RTN4R: variants seen among roughly 807,000 people sequenced by gnomAD.
RTN4R encodes the protein reticulon-4 receptor.
RTN4R carries 4 observed loss-of-function variants against 27.7 expected under a neutral mutation model. That is an observed-to-expected ratio of 0.14 (90% confidence interval 0.07 to 0.33). The LOEUF (loss-of-function observed/expected upper bound fraction) is 0.33. Ranked by LOEUF, RTN4R falls within the 10% of genes least tolerant of loss-of-function variation. The pLI is 1.00. For missense variants in RTN4R, 554 were observed against 671.5 expected (o/e 0.83, Z 1.93); for synonymous variants, 290 against 305.6 (o/e 0.95, Z 0.53).
At chr22:20,260,677 G>A (rs867175022) in intron 1 of RTN4R, among the ~76,000 whole-genome samples, 7 of 141,002 alleles carry the variant, frequency 5.0e-5, no homozygotes, top group Non-Finnish European at 9.4e-5. Flanking sequence ...GTCCCACCCC[G>A]CCCTACCACA....
intron 1 of RTN4R, among the ~76,000 whole-genome samples, chr22:20,266,698 G>A (rs902921202): frequency 6.6e-6 from 1 of 152,206 alleles, no homozygotes; most frequent in Non-Finnish European, 1.5e-5. Flanking sequence ...CTCACACCCT[G>A]GGCTTTGCGG....
chr22:20,258,964 G>A lies in RTN4R; in HGVS notation c.22+9107C>T, dbSNP rs139905685. 1.3e-3 allele frequency among the ~76,000 whole-genome samples: 193 copies of A among 151,884 alleles called. 2 individuals are homozygous for A. The East Asian group carries it at 0.018, about 14-fold the overall frequency. ...GTCTCTCAGCCAGGAGGGTGGAGGC[G>A]CTGGACCAAGGCTGGGGGTCAAGTG... is the stretch of plus-strand genomic sequence containing the variant. On this transcript the variant is annotated intron_variant, in intron 1 of 1. Transcript: ENST00000043402.
At chr22:20,250,926 T>G (rs1376066452) in intron 1 of RTN4R, among the ~76,000 whole-genome samples, 1 of 151,964 alleles carries the variant, frequency 6.6e-6, no homozygotes, top group Admixed American at 6.6e-5. Flanking sequence ...GCAGAGGAAG[T>G]GCTGAATGAC....
chr22:20,256,423 C>T (rs973155265), intron 1 of RTN4R, among the ~76,000 whole-genome samples: 2 of 152,230 alleles, frequency 1.3e-5, no homozygotes, highest in Non-Finnish European at 2.9e-5. Flanking sequence ...TCCTGGCCTG[C>T]CCGGGCCACC....
intron 1 of RTN4R, among the ~76,000 whole-genome samples, chr22:20,261,435 C>G (rs1180064851): frequency 1.3e-5 from 2 of 152,218 alleles, no homozygotes; most frequent in Non-Finnish European, 2.9e-5. Flanking sequence ...TCCAGCTTGC[C>G]CAAATCAAGC....
chr22:20,241,715 C>G lies in RTN4R; in HGVS notation c.1418G>C (p.Cys473Ser). ...ALVLWTVLGP[C>S] ...CGCTCTTGTGTCCGCTGGGGGTCAG[C>G]AGGGCCCAAGCACTGTCCACAGCAC... The change falls in exon 2 of 2, where the codon TGC becomes TCC. Residue 473 changes from cysteine (C) to serine (S), a missense_variant. By Grantham distance (112) the Cys-to-Ser change is moderately radical. Coordinates refer to ENST00000043402, the MANE Select transcript of RTN4R (RefSeq NM_023004.6). The G allele has an allele frequency of 1.9e-6, 3 of 1,549,744 alleles. No individual in the cohort carries two copies. The South Asian group carries it at 3.6e-5, about 18-fold the overall frequency.
chr22:20,248,543 C>T (rs1490002396), intron 1 of RTN4R, among the ~76,000 whole-genome samples: 1 of 152,248 alleles, frequency 6.6e-6, no homozygotes, highest in African/African-American at 2.4e-5. Flanking sequence ...GGATCATCCA[C>T]TCGCTTGGCC....
In RTN4R at chr22:20,241,937, C is replaced by T. The variant is rs748495282; in HGVS notation, c.1196G>A (p.Arg399Gln). 5.7e-5 allele frequency: 92 copies of T among 1,606,736 alleles called. No individual in the cohort carries two copies. The highest frequency in any genetic ancestry group is 7.3e-5 in the Non-Finnish European group (86 of 1,178,182). The change falls in exon 2 of 2, where the codon CGG becomes CAG. Residue 399 changes from arginine (R) to glutamine (Q), a missense_variant. Transcript: ENST00000043402. ...GSAEPPLTAV[R>Q]PEGSEPPGFP... ...CCCTGGTGGCTCGGAGCCCTCGGGC[C>T]GCACTGCAGTGAGCGGGGGCTCAGC...
At chr22:20,263,143 T>C (rs1157949915) in intron 1 of RTN4R, among the ~76,000 whole-genome samples, 7 of 152,300 alleles carry the variant, frequency 4.6e-5, no homozygotes, top group African/African-American at 1.2e-4. Context: ...TCGCCTCAAA[T>C]TGCTGGGAGA....
chr22:20,244,776 G>A (rs1448760294), intron 1 of RTN4R, among the ~76,000 whole-genome samples: 2 of 152,148 alleles, frequency 1.3e-5, no homozygotes, highest in Non-Finnish European at 2.9e-5. Context: ...GGCCAGGTGG[G>A]GTGGAGGCCC....
At chr22:20,263,855 C>T (rs1339480035) in intron 1 of RTN4R, among the ~76,000 whole-genome samples, 1 of 152,292 alleles carries the variant, frequency 6.6e-6, no homozygotes, top group African/African-American at 2.4e-5. Context: ...CCATGCCCCG[C>T]TGCCCTGCTG....
intron 1 of RTN4R, among the ~76,000 whole-genome samples, chr22:20,267,045 C>T (rs1035770630): frequency 2.0e-5 from 3 of 152,234 alleles, no homozygotes; most frequent in African/African-American, 7.2e-5. Flanking sequence ...CAGCATGTGC[C>T]ACCCGTGGAG....
chr22:20,265,327 G>A (rs556853720), intron 1 of RTN4R, among the ~76,000 whole-genome samples: 1 of 152,274 alleles, frequency 6.6e-6, no homozygotes, highest in Admixed American at 6.5e-5. Context: ...CCCTCCACAG[G>A]CTGTGGGCCA....
At chr22:20,267,555 C>T (rs1488729985) in intron 1 of RTN4R, 3 of 465,020 alleles carry the variant, frequency 6.5e-6, no homozygotes, top group African/African-American at 6.1e-5. Context: ...ACAACCCTGT[C>T]CCCCACGCCC....
intron 1 of RTN4R, among the ~76,000 whole-genome samples, chr22:20,256,022 G>C (rs1404352246): frequency 6.6e-6 from 1 of 152,226 alleles, no homozygotes; most frequent in African/African-American, 2.4e-5. Context: ...AATCAATTTG[G>C]GATGGAAACT....
chr22:20,248,197 A>G (rs1221441405), intron 1 of RTN4R, among the ~76,000 whole-genome samples: 3 of 152,264 alleles, frequency 2.0e-5, no homozygotes, highest in East Asian at 3.8e-4. Context: ...TACAAGAAAC[A>G]TGCCTAAAAG....
At chr22:20,249,061 C>T (rs1157650209) in intron 1 of RTN4R, 5 of 521,456 alleles carry the variant, frequency 9.6e-6, no homozygotes, top group Non-Finnish European at 2.0e-5. Flanking sequence ...CCACAGGAGG[C>T]TTGAGCCCAC....
chr22:20,257,652 G>A (rs1370184811), intron 1 of RTN4R, among the ~76,000 whole-genome samples: 2 of 152,230 alleles, frequency 1.3e-5, no homozygotes, highest in Admixed American at 6.5e-5. Flanking sequence ...ATTTTGTCAT[G>A]GCAGCTTGAT....
chr22:20,267,751 C>T (rs2051287377), intron 1 of RTN4R: 1 of 421,542 alleles, frequency 2.4e-6, no homozygotes, highest in Admixed American at 3.0e-5. Flanking sequence ...GAGGCCGGGC[C>T]CCGCCCTTCC....
Sources: gnomAD v4.1 joint callset for allele counts (sites outside exome capture counted in the v4.1 genomes callset) on GRCh38, gnomAD v4.1.1 for gene constraint, MANE v1.5 for transcripts, NCBI Gene and HGNC (gene_info 2026-07-23, HGNC 2026-07-21) for gene names.